Variants in CRACDL observed in about 807,000 individuals in gnomAD.
CRACDL encodes CRACD-like protein.
Under a neutral mutation model 70.6 loss-of-function variants are expected in CRACDL, and 26 were observed. That is an observed-to-expected ratio of 0.37 (90% CI 0.27 to 0.51). The LOEUF (loss-of-function observed/expected upper bound fraction) is 0.51, where lower values mean the gene tolerates loss of function less well. Among genes scored for constraint, CRACDL ranks in the 20% least tolerant of loss-of-function variants. The probability of loss-of-function intolerance (pLI) is 0.94; values close to 1 mark genes in which losing one functional copy is unlikely to be tolerated. For missense variants in CRACDL, 1,283 were observed against 1,376.9 expected (o/e 0.93, Z 1.08); for synonymous variants, 618 against 615.2 (o/e 1.00, Z -0.07).
At chr2:98,810,099 G>T (rs760218592) in intron 7 of CRACDL, among the ~76,000 whole-genome samples, 1 of 152,126 alleles carries the variant, frequency 6.6e-6, no homozygotes, top group Non-Finnish European at 1.5e-5. Flanking sequence ...ATCACCCACT[G>T]CAGGCTAGGA....
intron 1 of CRACDL, among the ~76,000 whole-genome samples, chr2:98,887,754 C>G (rs771674110): frequency 6.6e-6 from 1 of 152,008 alleles, no homozygotes; most frequent in African/African-American, 2.4e-5. Context: ...ATCTGGAAAG[C>G]TGCAAGAGAG....
chr2:98,817,295 C>G (rs1053046662), intron 7 of CRACDL, among the ~76,000 whole-genome samples: 1 of 152,030 alleles, frequency 6.6e-6, no homozygotes, highest in Non-Finnish European at 1.5e-5. Context: ...TAACACTGTA[C>G]CTATAGACAA....
intron 1 of CRACDL, among the ~76,000 whole-genome samples, chr2:98,884,508 C>A (rs1201844691): frequency 1.3e-5 from 2 of 152,208 alleles, no homozygotes; most frequent in Non-Finnish European, 2.9e-5. Flanking sequence ...CCTGACCCAA[C>A]TCCAGTGGAC....
intron 7 of CRACDL, among the ~76,000 whole-genome samples, chr2:98,803,770 G>A (rs1225403653): frequency 6.6e-6 from 1 of 152,220 alleles, no homozygotes; most frequent in African/African-American, 2.4e-5. Context: ...ACAGCCAGCT[G>A]TGCTAGAACA....
chr2:98,901,466 C>A (rs1336062725), intron 1 of CRACDL, among the ~76,000 whole-genome samples: 1 of 152,210 alleles, frequency 6.6e-6, no homozygotes, highest in Non-Finnish European at 1.5e-5. Flanking sequence ...AAGGGCAGAG[C>A]AGATGACCTG....
At chr2:98,809,478 G>T (rs565824368) in intron 7 of CRACDL, among the ~76,000 whole-genome samples, 59 of 152,116 alleles carry the variant, frequency 3.9e-4, no homozygotes, top group Non-Finnish European at 7.9e-4. Context: ...TCTCCCAACT[G>T]CAGGGCACAT....
chr2:98,908,827 T>C (rs1468917793), intron 1 of CRACDL, among the ~76,000 whole-genome samples: 1 of 152,214 alleles, frequency 6.6e-6, no homozygotes, highest in Admixed American at 6.5e-5. Context: ...CAATTTCCAC[T>C]AAAAGTCCAT....
At chr2:98,825,482 G>A (rs926048212) in intron 6 of CRACDL, among the ~76,000 whole-genome samples, 6 of 152,222 alleles carry the variant, frequency 3.9e-5, no homozygotes, top group Non-Finnish European at 7.3e-5. Context: ...TTTCCACCTG[G>A]AATAGACACC....
intron 2 of CRACDL, among the ~76,000 whole-genome samples, chr2:98,844,070 G>A (rs1706144932): frequency 6.6e-6 from 1 of 151,980 alleles, no homozygotes; most frequent in Non-Finnish European, 1.5e-5. Context: ...ATTATTACTT[G>A]TCAGTATTCT....
intron 2 of CRACDL, among the ~76,000 whole-genome samples, chr2:98,839,739 T>C (rs374719221): frequency 6.6e-6 from 1 of 152,204 alleles, no homozygotes; most frequent in Non-Finnish European, 1.5e-5. Flanking sequence ...CCTGAATCTG[T>C]TTTTTTAAGT....
Position 98,822,004 on chromosome 2 carries a change from T to G in CRACDL, c.2269A>C (p.Ser757Arg). The G allele has an allele frequency of 6.5e-7, 1 of 1,537,212 alleles. No individual in the cohort carries two copies. Among genetic ancestry groups the G allele is most frequent in the Non-Finnish European group, 8.8e-7 (1 of 1,141,636 alleles). ...TTCCGGGGCAGGGGCGGCTTGGAGC[T>G]GAGCGGCTCGGGGGGCCGGGCCTTC... is the stretch of plus-strand genomic sequence containing the variant. ...KGKARPPEPL[S>R]SKPPLPRKPL... The change falls in exon 7 of 10, where the codon AGC (serine) becomes CGC (arginine). Residue 757 changes from serine (S) to arginine (R), a missense_variant. By Grantham distance (110) the Ser-to-Arg change is moderately radical (BLOSUM62 -1). Around this residue, in one of 2 missense-constraint regions of CRACDL, gnomAD observed 921 missense variants for 881.9 expected, o/e 1.04. Transcript: ENST00000397899. This position sits in a 1 kb window ranked among gnomAD's most constrained non-coding sequence, Gnocchi z 4.9.
At chr2:98,810,647 AG>A (rs534548787) in intron 7 of CRACDL, among the ~76,000 whole-genome samples, 1 of 152,008 alleles carries the variant, frequency 6.6e-6, no homozygotes, top group Non-Finnish European at 1.5e-5. Context: ...AGTGTTGATG[AG>A]GGGGTGGAGA....
chr2:98,888,990 T>A (rs1707871516), intron 1 of CRACDL, among the ~76,000 whole-genome samples: 1 of 151,872 alleles, frequency 6.6e-6, no homozygotes, highest in African/African-American at 2.4e-5. Flanking sequence ...TAGCCAGGCA[T>A]GGTGGTATGC....
chr2:98,910,632 T>C (rs946908745), intron 1 of CRACDL, among the ~76,000 whole-genome samples: 6 of 152,320 alleles, frequency 3.9e-5, no homozygotes, highest in African/African-American at 1.4e-4. Context: ...CTGCTCACAA[T>C]GACAACCGTT....
At chr2:98,894,221 A>G in intron 1 of CRACDL, among the ~76,000 whole-genome samples, 1 of 152,224 alleles carries the variant, frequency 6.6e-6, no homozygotes, top group East Asian at 1.9e-4. Context: ...GGGGGAGGGA[A>G]AGCAGAGTGG....
At chr2:98,875,094 G>A (rs1395774604) in intron 1 of CRACDL, among the ~76,000 whole-genome samples, 3 of 152,126 alleles carry the variant, frequency 2.0e-5, no homozygotes, top group Non-Finnish European at 2.9e-5. Context: ...AACCACATTC[G>A]CAGGAATGCC....
At chr2:98,800,777 C>T (rs1371560886) in intron 7 of CRACDL, among the ~76,000 whole-genome samples, 1 of 152,222 alleles carries the variant, frequency 6.6e-6, no homozygotes, top group African/African-American at 2.4e-5. Context: ...AAACACACAC[C>T]ACAGACTATG....
chr2:98,822,911 TG>T lies in CRACDL; in HGVS notation c.1361del (p.Pro454GlnfsTer45), dbSNP rs2104469414. ...CTCTCTCGGGCTCAGGCGCCGGCCC[TG>T]GGGGCCCCTTCTCCTCATCCGGGAG... is the stretch of plus-strand genomic sequence containing the variant. ...PVLPDEEKGP[P>X]GPAPEPEREA... On this transcript the variant is annotated frameshift_variant, in exon 7 of 10. Coordinates refer to ENST00000397899, the MANE Select transcript of CRACDL (RefSeq NM_207362.3). LOFTEE classifies it high-confidence loss of function. The surrounding 1 kb of genome is among the most constrained non-coding windows in gnomAD (Gnocchi z 4.9). 2.7e-6 allele frequency: 4 copies of T among 1,473,174 alleles called. No homozygotes were observed. Among genetic ancestry groups the T allele is most frequent in the East Asian group, 2.7e-5 (1 of 37,330 alleles). 91.3% of individuals were successfully genotyped at this position (1,473,174 alleles called of 1,614,324 possible).
intron 1 of CRACDL, among the ~76,000 whole-genome samples, chr2:98,894,129 T>C (rs143877289): frequency 6.6e-6 from 1 of 152,366 alleles, no homozygotes; most frequent in African/African-American, 2.4e-5. Flanking sequence ...GCGCTGGCTA[T>C]ATAGTTCGAA....
Sources: gnomAD v4.1 joint callset for allele counts (sites outside exome capture counted in the v4.1 genomes callset) on GRCh38, gnomAD v4.1.1 for gene constraint, gnomAD v4.1.1 regional missense constraint, Gnocchi (gnomAD v3.1) non-coding constraint, MANE v1.5 for transcripts, NCBI Gene and HGNC (gene_info 2026-07-23, HGNC 2026-07-21) for gene names.